FAM171A1: variants seen among roughly 807,000 people sequenced by gnomAD.
The protein encoded by FAM171A1 is family with sequence similarity 171 member A1, also known as protein FAM171A1.
A neutral mutation model predicts 74.9 loss-of-function variants in FAM171A1; 23 were observed. The ratio of observed to expected loss-of-function variants is 0.31; its 90% confidence interval spans 0.22 to 0.44. The LOEUF (loss-of-function observed/expected upper bound fraction) is 0.44. Among genes scored for constraint, FAM171A1 ranks in the 20% least tolerant of loss-of-function variants. The pLI, the probability that FAM171A1 is intolerant of heterozygous loss-of-function variation, is 1.00. For missense variants in FAM171A1, 1,162 were observed against 1,159.2 expected, an observed-to-expected ratio of 1.00 and a Z score of -0.03; for synonymous variants, 527 against 505.7, an observed-to-expected ratio of 1.04 and a Z score of -0.57.
chr10:15,336,843 G>C (rs1835706598), intron 1 of FAM171A1, among the ~76,000 whole-genome samples: 1 of 152,054 alleles, frequency 6.6e-6, no homozygotes, highest in Non-Finnish European at 1.5e-5. Flanking sequence ...CAACTGTTTT[G>C]ATAATAAGTT....
At chr10:15,362,428 C>T (rs1191338613) in intron 1 of FAM171A1, among the ~76,000 whole-genome samples, 9 of 152,162 alleles carry the variant, frequency 5.9e-5, no homozygotes, top group African/African-American at 1.9e-4. Flanking sequence ...CATTACTGGC[C>T]GCCATGGTGG....
At chr10:15,263,909 G>A (rs943317062) in intron 3 of FAM171A1, among the ~76,000 whole-genome samples, 10 of 144,546 alleles carry the variant, frequency 6.9e-5, no homozygotes, top group East Asian at 4.0e-4. Flanking sequence ...CTATCTATCC[G>A]TCCATCCTTC....
chr10:15,317,398 T>G (rs1014103161), intron 1 of FAM171A1, among the ~76,000 whole-genome samples: 2 of 152,192 alleles, frequency 1.3e-5, no homozygotes, highest in African/African-American at 4.8e-5. Flanking sequence ...TTTTTTAATT[T>G]TAATTTTATT....
chr10:15,273,461 C>A (rs1452921879), intron 3 of FAM171A1, among the ~76,000 whole-genome samples: 1 of 152,096 alleles, frequency 6.6e-6, no homozygotes, highest in African/African-American at 2.4e-5. Flanking sequence ...TCTACAAGAG[C>A]TACAAAGAGG....
In FAM171A1 at chr10:15,212,628, T is replaced by G; in HGVS notation, c.*287A>C. On this transcript the variant is annotated 3_prime_UTR_variant, in exon 8 of 8. Coordinates refer to ENST00000378116, the MANE Select transcript of FAM171A1 (RefSeq NM_001010924.2). ...TAGAGCATAGCGACATCACGTGCGG[T>G]TTCTTAATGTCCCTGGTGGCGGATA... The G allele has an allele frequency of 2.2e-6, 1 of 450,294 alleles. No homozygotes were observed. The highest frequency in any genetic ancestry group is 4.0e-6 in the Non-Finnish European group (1 of 252,140). The allele number at this position is 450,294 out of a possible 1,614,324, so 27.9% of individuals were successfully genotyped here.
At chr10:15,243,706 G>T (rs1037565727) in intron 5 of FAM171A1, among the ~76,000 whole-genome samples, 7 of 152,148 alleles carry the variant, frequency 4.6e-5, no homozygotes, top group African/African-American at 1.7e-4. Flanking sequence ...CAATAGAACT[G>T]TCCTCCCTCT....
At chr10:15,294,362 C>T (rs2131820598) in intron 1 of FAM171A1, among the ~76,000 whole-genome samples, 1 of 152,300 alleles carries the variant, frequency 6.6e-6, no homozygotes, top group African/African-American at 2.4e-5. Context: ...GTTCTGTCTG[C>T]CTGCCCAAGG....
At chr10:15,353,719 G>A (rs1160379363) in intron 1 of FAM171A1, among the ~76,000 whole-genome samples, 1 of 152,132 alleles carries the variant, frequency 6.6e-6, no homozygotes, top group East Asian at 1.9e-4. Context: ...AGTGTAGACA[G>A]CAGGGGAAGA....
intron 1 of FAM171A1, among the ~76,000 whole-genome samples, chr10:15,306,833 C>T (rs1196587561): frequency 6.6e-6 from 1 of 152,188 alleles, no homozygotes; most frequent in Non-Finnish European, 1.5e-5. Context: ...TTTTCTTCTA[C>T]TCAATTAGGT....
intron 1 of FAM171A1, among the ~76,000 whole-genome samples, chr10:15,331,771 G>T (rs567491842): frequency 5.4e-5 from 8 of 147,754 alleles, no homozygotes; most frequent in Non-Finnish European, 1.0e-4. Context: ...ATATATGTGG[G>T]TATATATATG....
chr10:15,315,137 G>A (rs886450207), intron 1 of FAM171A1, among the ~76,000 whole-genome samples: 3 of 152,176 alleles, frequency 2.0e-5, no homozygotes, highest in East Asian at 1.9e-4. Flanking sequence ...TTGGACACAC[G>A]TATACACCTG....
intron 1 of FAM171A1, among the ~76,000 whole-genome samples, chr10:15,340,281 T>A (rs1422227540): frequency 6.6e-6 from 1 of 152,132 alleles, no homozygotes; most frequent in Non-Finnish European, 1.5e-5. Flanking sequence ...AGGGATTTTG[T>A]TGTTGCTTGT....
chr10:15,339,867 A>G (rs1361968439), intron 1 of FAM171A1, among the ~76,000 whole-genome samples: 2 of 152,202 alleles, frequency 1.3e-5, no homozygotes, highest in East Asian at 3.8e-4. Flanking sequence ...CAATCATAGC[A>G]GAAGATGAAA....
intron 5 of FAM171A1, among the ~76,000 whole-genome samples, chr10:15,232,115 TCAAATGCCTA>T (rs1471634729): frequency 6.6e-6 from 1 of 152,010 alleles, no homozygotes; most frequent in African/African-American, 2.4e-5. Flanking sequence ...AACAAAAATT[TCAAATGCCTA>T]CAGATGCCAT....
intron 5 of FAM171A1, among the ~76,000 whole-genome samples, chr10:15,243,503 T>A (rs1298831607): frequency 1.3e-5 from 2 of 152,216 alleles, no homozygotes; most frequent in Non-Finnish European, 2.9e-5. Context: ...GCAAGGATGC[T>A]GCTTTCATAC....
chr10:15,226,107 G>A (rs75728992), intron 5 of FAM171A1, among the ~76,000 whole-genome samples: 5,518 of 152,310 alleles, frequency 0.036, 140 homozygotes, highest in African/African-American at 0.07. Context: ...CTCAAGGCAA[G>A]GTCATGTGGT....
intron 1 of FAM171A1, among the ~76,000 whole-genome samples, chr10:15,333,588 G>C (rs1835666863): frequency 6.6e-6 from 1 of 152,118 alleles, no homozygotes; most frequent in African/African-American, 2.4e-5. Flanking sequence ...CAGCACTTTG[G>C]GAGGCTGAGT....
At chr10:15,257,672 C>T (rs1834598358) in intron 3 of FAM171A1, among the ~76,000 whole-genome samples, 1 of 152,046 alleles carries the variant, frequency 6.6e-6, no homozygotes, top group Non-Finnish European at 1.5e-5. Flanking sequence ...ATCTGACACA[C>T]CCTGGGACTG....
At position 15,321,352 on chromosome 10, in the gene FAM171A1, G is replaced by C. The variant is rs1027660072; in HGVS notation, c.98-37247C>G. On this transcript the variant is annotated intron_variant, in intron 1 of 7. Coordinates refer to ENST00000378116, the MANE Select transcript of FAM171A1 (RefSeq NM_001010924.2). ...GTCTTGAGAAACAAGCTGTGTTCTC[G>C]TGTGGGCTGTCTGCCCTCTCCCATT... 8.5e-5 allele frequency among the ~76,000 whole-genome samples: 13 copies of C among 152,166 alleles called. No individual in the cohort carries two copies. The East Asian group carries it at 1.3e-3, about 16-fold the overall frequency.
Sources: gnomAD v4.1 joint callset for allele counts (sites outside exome capture counted in the v4.1 genomes callset) on GRCh38, gnomAD v4.1.1 for gene constraint, MANE v1.5 for transcripts, NCBI Gene and HGNC (gene_info 2026-07-23, HGNC 2026-07-21) for gene names.